The following TUBGCP6 variants were observed in gnomAD, a reference collection of about 807,000 sequenced individuals.
The protein encoded by TUBGCP6 is gamma-tubulin complex component 6.
A neutral mutation model predicts 175.8 loss-of-function variants in TUBGCP6; 161 were observed. The observed-to-expected ratio is 0.92, with a 90% CI of 0.81 to 1.04. TUBGCP6 has a LOEUF of 1.04. Among genes scored for constraint, TUBGCP6 ranks in the 50% least tolerant of loss-of-function variants. TUBGCP6 has a pLI of 0.00. For missense variants in TUBGCP6, 2,572 were observed against 2,433.0 expected, an observed-to-expected ratio of 1.06 and a Z score of -1.20; for synonymous variants, 1,173 against 1,030.5, an observed-to-expected ratio of 1.14 and a Z score of -2.65.
chr22:50,235,263 C>CA (rs2064757369), intron 2 of TUBGCP6, among the ~76,000 whole-genome samples: 1 of 131,038 alleles, frequency 7.6e-6, no homozygotes, highest in African/African-American at 3.1e-5. Flanking sequence ...TCCCTGTCCA[C>CA]GGCAACATCC....
intron 2 of TUBGCP6, among the ~76,000 whole-genome samples, chr22:50,235,588 T>C (rs902311919): frequency 6.6e-6 from 1 of 152,152 alleles, no homozygotes; most frequent in Non-Finnish European, 1.5e-5. Context: ...AAATGAGCCA[T>C]CACAAAACAC....
chr22:50,218,370 A>C lies in TUBGCP6; in HGVS notation c.4987T>G (p.Phe1663Val), dbSNP rs1569107988. 6 of 1,613,044 alleles carry C rather than the reference A, an allele frequency of 3.7e-6. No homozygotes were observed. The highest frequency in any genetic ancestry group is 4.2e-6 in the Non-Finnish European group (5 of 1,179,952). Residue 1663 changes from phenylalanine (F) to valine (V), a missense_variant, in exon 23 of 25, where the codon TTC becomes GTC. Transcript: ENST00000248846. ...LLSHMAGSVQ[F>V]RQLQLFKHEM... Reference sequence around the variant, plus strand: ...TGCTTGAACAGCTGCAGCTGACGGAACTGCACAGAGCCGGCCATGTGGCTC... The same window carrying C: ...TGCTTGAACAGCTGCAGCTGACGGACCTGCACAGAGCCGGCCATGTGGCTC...
intron 1 of TUBGCP6, among the ~76,000 whole-genome samples, chr22:50,243,091 GATC>G (rs2064859728): frequency 6.6e-6 from 1 of 152,160 alleles, no homozygotes; most frequent in Admixed American, 6.5e-5. Flanking sequence ...GAGACGGGTG[GATC>G]ATTTGAGGTC....
chr22:50,224,344 C>T lies in TUBGCP6; in HGVS notation c.2142G>A (p.Val714=). 1 of 1,614,256 alleles carries T rather than the reference C, an allele frequency of 6.2e-7. No homozygotes were observed. The highest frequency in any genetic ancestry group is 8.5e-7 in the Non-Finnish European group (1 of 1,180,046). The change falls in exon 12 of 25, where the codon GTG becomes GTA. Residue 714 remains valine (V), a synonymous_variant. Transcript: ENST00000248846. ...EQFQRLKEQF[V]KDQERRQAAR... ...AGGTCCTACCCACCTCCTGGTCCTTCACAAATTGTTCTTTCAGCCTCTGAA... is the reference window on the plus strand; with the variant it reads ...AGGTCCTACCCACCTCCTGGTCCTTTACAAATTGTTCTTTCAGCCTCTGAA...
chr22:50,229,740 G>A (rs979062416), intron 3 of TUBGCP6, among the ~76,000 whole-genome samples, 163 bp from the exon 4 acceptor site: 4 of 152,052 alleles, frequency 2.6e-5, no homozygotes, highest in Admixed American at 1.3e-4. Context: ...CACACCGAGG[G>A]ACCAAACCGA....
At position 50,219,414 on chromosome 22, in the gene TUBGCP6, C is replaced by T. The variant is rs780470323; in HGVS notation, c.4358G>A (p.Arg1453Gln). The T allele has an allele frequency of 1.4e-5, 22 of 1,567,840 alleles. No individual in the cohort carries two copies. The highest frequency in any genetic ancestry group is 4.6e-5 in the South Asian group (4 of 86,164). ...GGGGTCCACGGGGAAGGCGAAGGCC[C>T]GGGGAAGCACGGGGCGCAAAAGATG... ...IAHLLRPVLP[R>Q]AFAFPVDPQV... The change falls in exon 19 of 25, where the codon CGG (arginine) becomes CAG (glutamine). Residue 1453 changes from arginine to glutamine, a missense_variant. Transcript: ENST00000248846.
At chr22:50,219,571 C>T (rs963531982) in intron 18 of TUBGCP6, 73 bp downstream of exon 18, 2 of 1,594,162 alleles carry the variant, frequency 1.3e-6, no homozygotes, top group Admixed American at 3.4e-5. Flanking sequence ...CCGCCCCAAC[C>T]CACAGGAGGT....
chr22:50,225,936 A>T lies in TUBGCP6; in HGVS notation c.1841T>A (p.Leu614His). 1 of 1,613,460 alleles carries T rather than the reference A, an allele frequency of 6.2e-7. No individual in the cohort carries two copies. The highest frequency in any genetic ancestry group is 1.1e-5 in the South Asian group (1 of 91,036). ...GGGGACAGGGACGTCGGACCAACAG[A>T]GGTAATGCTGCCAAAGGGGATGCAA... ...LLKLCCPRHY[L>H]CWSDVPVPRI... is the part of the protein sequence containing the mutation. Residue 614 changes from leucine (L) to histidine (H), a missense_variant, in exon 10 of 25, where the codon CTC (leucine) becomes CAC (histidine). Coordinates refer to ENST00000248846, the MANE Select transcript of TUBGCP6 (RefSeq NM_020461.4).
intron 2 of TUBGCP6, among the ~76,000 whole-genome samples, chr22:50,238,895 C>T (rs2064808273): frequency 6.6e-6 from 1 of 152,130 alleles, no homozygotes; most frequent in East Asian, 1.9e-4. Context: ...GCAGGAAGGC[C>T]CTGGCAGTCA....
chr22:50,241,099 T>C (rs1000764326), intron 1 of TUBGCP6, among the ~76,000 whole-genome samples: 8 of 152,272 alleles, frequency 5.3e-5, no homozygotes, highest in Admixed American at 6.5e-5. Flanking sequence ...TGATTATATA[T>C]GAACGTTATT....
At chr22:50,221,915 C>G (rs756679662) in intron 15 of TUBGCP6, 41 bp from the exon 16 acceptor site, 3 of 1,540,390 alleles carry the variant, frequency 1.9e-6, no homozygotes, top group African/African-American at 2.7e-5. Context: ...GGTCTCAGGA[C>G]CCCCCAGCCC....
intron 3 of TUBGCP6, among the ~76,000 whole-genome samples, chr22:50,231,259 G>T (rs2064685962): frequency 1.7e-5 from 1 of 58,178 alleles, no homozygotes; most frequent in Non-Finnish European, 4.5e-5. Context: ...TTTGAGACCA[G>T]CCTGGTCAAC....
At chr22:50,223,569 A>C (rs1166135453) in intron 13 of TUBGCP6, 1 of 153,290 alleles carries the variant, frequency 6.5e-6, no homozygotes, top group Admixed American at 6.5e-5. Context: ...ACCTGAGGTC[A>C]GGAGTTTGAG....
chr22:50,227,087 G>C lies in TUBGCP6; in HGVS notation c.1413-10C>G. The C allele has an allele frequency of 6.2e-7, 1 of 1,607,386 alleles. No individual in the cohort carries two copies. The highest frequency in any genetic ancestry group is 1.3e-5 in the African/African-American group (1 of 74,948). ...GAGCTCGGCCAGGTACCTAGACCCA[G>C]AGGCAGGATGAGACCAGGTGACCGG... On this transcript the variant is annotated splice_polypyrimidine_tract_variant and intron_variant, in intron 5 of 24. Transcript: ENST00000248846.
chr22:50,231,625 C>T (rs1210224742), intron 3 of TUBGCP6, among the ~76,000 whole-genome samples: 5 of 151,184 alleles, frequency 3.3e-5, no homozygotes, highest in Admixed American at 6.6e-5. Flanking sequence ...TTTGGGAGGC[C>T]GAGACGGGCG....
rs145170543 is a variant in TUBGCP6 at position 50,220,571 on chromosome 22, C to A, written c.3788G>T (p.Arg1263Leu). Reference protein sequence around the residue: ...GEPVSDVVSTRPRWNTHVPIP... With the variant: ...GEPVSDVVSTLPRWNTHVPIP... ...GGGTACATGGGTGTTCCACCGTGGC[C>A]GGGTGGAAACCACATCCGACACAGG... Residue 1263 changes from arginine to leucine, a missense_variant, in exon 16 of 25, where the codon CGG becomes CTG. Transcript: ENST00000248846. The A allele has an allele frequency of 1.9e-6, 3 of 1,613,370 alleles. No individual in the cohort carries two copies. Among genetic ancestry groups the A allele is most frequent in the Non-Finnish European group, 2.5e-6 (3 of 1,179,994 alleles).
chr22:50,232,158 A>G (rs1226269159), intron 3 of TUBGCP6, among the ~76,000 whole-genome samples: 1 of 151,694 alleles, frequency 6.6e-6, no homozygotes, highest in Non-Finnish European at 1.5e-5. Context: ...TCAGGTCAGG[A>G]GTCAAGAGAC....
rs748473590 is a variant in TUBGCP6 at position 50,226,284 on chromosome 22, T to A, written c.1693+3A>T. On this transcript the variant is annotated splice_donor_region_variant and intron_variant, in intron 8 of 24. Coordinates refer to ENST00000248846, the MANE Select transcript of TUBGCP6 (RefSeq NM_020461.4). ...CCCTGCCCCGCAATCAGCTGCCACC[T>A]ACCTCGGAAGCTGAGGTACTCGTGG... is the stretch of plus-strand genomic sequence containing the variant. 3 of 1,613,922 alleles carry A rather than the reference T, an allele frequency of 1.9e-6. No homozygotes were observed. Among genetic ancestry groups the A allele is most frequent in the African/African-American group, 2.7e-5 (2 of 74,906 alleles).
Position 50,226,179 on chromosome 22 carries a change from G to C in TUBGCP6, c.1704C>G (p.Tyr568Ter). The change falls in exon 9 of 25, where the codon TAC (tyrosine) becomes TAG (stop). Residue 568 changes from tyrosine to a stop codon, truncating the protein, a stop_gained. Transcript: ENST00000248846. LOFTEE classifies it high-confidence loss of function. ...HEYLSFRDKL[Y>*]WTHGYVLISK... ...AGATGAGCACGTAGCCATGTGTCCA[G>C]TACAACTTATCTAAGGTAGGGTGAA... 6.2e-7 allele frequency: 1 copy of C among 1,614,162 alleles called. No individual in the cohort carries two copies. The highest frequency in any genetic ancestry group is 8.5e-7 in the Non-Finnish European group (1 of 1,180,038).
Sources: gnomAD v4.1 joint callset for allele counts (sites outside exome capture counted in the v4.1 genomes callset) on GRCh38, gnomAD v4.1.1 for gene constraint, MANE v1.5 for transcripts, NCBI Gene and HGNC (gene_info 2026-07-23, HGNC 2026-07-21) for gene names.